ICA1: variants seen among roughly 807,000 people sequenced by gnomAD.
ICA1 encodes the protein islet cell autoantigen 1.
In ICA1, 40 loss-of-function variants were observed where a neutral mutation model predicts 71.0. The ratio of observed to expected loss-of-function variants is 0.56; its 90% CI spans 0.44 to 0.73. The LOEUF is 0.73. ICA1 is among the 30% of genes least tolerant of loss of function. The pLI is 0.00. For synonymous variants in ICA1, 207 were observed against 209.5 expected (o/e 0.99, Z 0.10); for missense variants, 578 against 576.5 (o/e 1.00, Z -0.03).
chr7:8,187,743 T>C (rs1398670469), intron 6 of ICA1, among the ~76,000 whole-genome samples: 1 of 152,220 alleles, frequency 6.6e-6, no homozygotes, highest in African/African-American at 2.4e-5. Context: ...TAAGCTTTTT[T>C]CTATCTTTAA....
chr7:8,162,731 T>C (rs6463774), intron 6 of ICA1, among the ~76,000 whole-genome samples: 143,535 of 152,294 alleles, frequency 0.94, 67,668 homozygotes, highest in African/African-American at 0.96. Flanking sequence ...TGTTACCCCA[T>C]CTATCTTCTC....
At chr7:8,248,484 G>C (rs1806922775) in intron 1 of ICA1, among the ~76,000 whole-genome samples, 1 of 152,138 alleles carries the variant, frequency 6.6e-6, no homozygotes, top group African/African-American at 2.4e-5. Context: ...CCAGCACTTT[G>C]AGAGGCAAGG....
At chr7:8,169,123 T>C (rs1171239114) in intron 6 of ICA1, among the ~76,000 whole-genome samples, 1 of 152,164 alleles carries the variant, frequency 6.6e-6, no homozygotes, top group Non-Finnish European at 1.5e-5. Flanking sequence ...TAGTCTATAG[T>C]CTTTTTTTGT....
chr7:8,189,878 G>T (rs141305246), intron 6 of ICA1, among the ~76,000 whole-genome samples: 1 of 152,320 alleles, frequency 6.6e-6, no homozygotes, highest in East Asian at 1.9e-4. Context: ...TTGTAAGTTG[G>T]GAACTGTCTG....
Position 8,232,730 on chromosome 7 carries a change from G to T in ICA1, c.43C>A (p.Arg15=), listed in dbSNP as rs367581899. The T allele has an allele frequency of 4.6e-5, 73 of 1,603,208 alleles. 1 individual carries two copies. In the South Asian group the frequency reaches 4.6e-4, roughly 10 times the overall value. ...KCSYPWDLQD[R]YAQDKSVVNK... ...ACAACTGACTTATCTTGAGCATATC[G>T]ATCCTGTAAGTCCCAGGGATAACTG... Residue 15 remains arginine, a synonymous_variant, in exon 3 of 14, where the codon CGA becomes AGA. Coordinates refer to ENST00000402384, the MANE Select transcript of ICA1 (RefSeq NM_001136020.3).
Position 8,232,667 on chromosome 7 carries a change from C to T in ICA1, c.106G>A (p.Ala36Thr), listed in dbSNP as rs1326826607. ...MQQKYWETKQAFIKATGKKED... is the reference protein window; with the variant it reads ...MQQKYWETKQTFIKATGKKED... ...TTCTTCCCTGTGGCTTTAATAAAGG[C>T]CTGCTTCGTCTCCCAATATTTCTGT... Residue 36 changes from alanine to threonine, a missense_variant, in exon 3 of 14, where the codon GCC (alanine) becomes ACC (threonine). Ala to Thr is a moderately conservative substitution (Grantham distance 58). Transcript: ENST00000402384. The T allele has an allele frequency of 1.2e-6, 2 of 1,613,436 alleles. No homozygotes were observed. Among genetic ancestry groups the T allele is most frequent in the East Asian group, 4.5e-5 (2 of 44,874 alleles).
chr7:8,154,556 T>A (rs1265091058), intron 8 of ICA1, among the ~76,000 whole-genome samples: 3 of 152,162 alleles, frequency 2.0e-5, no homozygotes, highest in African/African-American at 7.2e-5. Context: ...TTCTTTCCAG[T>A]CAGAGTCCCA....
intron 1 of ICA1, among the ~76,000 whole-genome samples, chr7:8,258,081 C>T (rs1366990758): frequency 6.6e-6 from 1 of 152,160 alleles, no homozygotes; most frequent in Non-Finnish European, 1.5e-5. Context: ...GTTTCTCTGC[C>T]CTTTCTCCTG....
chr7:8,241,033 G>A (rs1005686726), intron 1 of ICA1, among the ~76,000 whole-genome samples: 1 of 152,074 alleles, frequency 6.6e-6, no homozygotes. Context: ...TAGCAAGGCA[G>A]GCCAATATTC....
intron 8 of ICA1, among the ~76,000 whole-genome samples, chr7:8,152,671 T>TCA (rs1562701314): frequency 1.2e-4 from 1 of 8,360 alleles, no homozygotes; most frequent in Non-Finnish European, 2.2e-4. Flanking sequence ...ACCACCACCA[T>TCA]TATCTCCTTC....
At position 8,157,179 on chromosome 7, in the gene ICA1, G is replaced by C. The variant is rs1264633016; in HGVS notation, c.741C>G (p.His247Gln). 2 of 1,607,688 alleles carry C rather than the reference G, an allele frequency of 1.2e-6. No individual in the cohort carries two copies. The highest frequency in any genetic ancestry group is 1.7e-6 in the Non-Finnish European group (2 of 1,178,334). ...TLLHFWEKTSHTMAAIHESFK... is the reference protein window; with the variant it reads ...TLLHFWEKTSQTMAAIHESFK... ...AACTCTCATGGATGGCTGCCATAGT[G>C]TGAGAAGTTTTCTCCCAAAAATGAA... Residue 247 changes from histidine (H) to glutamine (Q), a missense_variant, in exon 8 of 14, where the codon CAC (histidine) becomes CAG (glutamine). By Grantham distance (24) the His-to-Gln change is conservative. Coordinates refer to ENST00000402384, the MANE Select transcript of ICA1 (RefSeq NM_001136020.3).
chr7:8,254,408 T>A (rs1809302618), intron 1 of ICA1, among the ~76,000 whole-genome samples: 1 of 150,546 alleles, frequency 6.6e-6, no homozygotes, highest in Non-Finnish European at 1.5e-5. Flanking sequence ...CAAGAAAGGA[T>A]CTCAGAGGTC....
intron 1 of ICA1, among the ~76,000 whole-genome samples, chr7:8,252,585 A>T (rs189832226): frequency 1.2e-3 from 185 of 152,188 alleles, no homozygotes; most frequent in Non-Finnish European, 2.2e-3. Flanking sequence ...CTAAATGTAA[A>T]ATTCACACTG....
intron 6 of ICA1, among the ~76,000 whole-genome samples, chr7:8,166,887 C>T (rs576699582): frequency 2.4e-4 from 17 of 69,714 alleles, no homozygotes; most frequent in Admixed American, 7.3e-4. Context: ...AAAGAATGCT[C>T]AACATCACTA....
At chr7:8,213,807 G>T (rs1223342160) in intron 6 of ICA1, among the ~76,000 whole-genome samples, 3 of 152,092 alleles carry the variant, frequency 2.0e-5, no homozygotes. Context: ...AGGTCCCACC[G>T]AGTAAGCCAC....
At chr7:8,174,826 A>T (rs1486406524) in intron 6 of ICA1, among the ~76,000 whole-genome samples, 3 of 151,548 alleles carry the variant, frequency 2.0e-5, no homozygotes, top group Non-Finnish European at 4.4e-5. Flanking sequence ...AATGCGGGAA[A>T]CACAAACACG....
At chr7:8,131,653 A>G (rs1791486621) in intron 12 of ICA1, among the ~76,000 whole-genome samples, 1 of 152,224 alleles carries the variant, frequency 6.6e-6, no homozygotes, top group African/African-American at 2.4e-5. Flanking sequence ...CCTCCCAATT[A>G]TTGCACTGAT....
intron 8 of ICA1, chr7:8,156,495 G>A (rs1217486468): frequency 6.0e-6 from 1 of 167,194 alleles, no homozygotes; most frequent in Non-Finnish European, 1.3e-5. Flanking sequence ...AACCACTAGA[G>A]AGAAAAACAC....
rs1467034928 is a variant in ICA1, at chr7:8,190,336, C to T, written c.579+27969G>A. Among the ~76,000 whole-genome samples, 22 of 152,136 alleles carry T rather than the reference C, an allele frequency of 1.4e-4. No homozygotes were observed. In the South Asian group the frequency reaches 3.3e-3, roughly 23 times the overall value. ...TGGCTGTAGTTTCTAAGGACTCATC[C>T]AAGAGATGATCTCTTTCCTTCCTCT... On this transcript the variant is annotated intron_variant, in intron 6 of 13. Coordinates refer to ENST00000402384, the MANE Select transcript of ICA1 (RefSeq NM_001136020.3).
Sources: gnomAD v4.1 joint callset for allele counts (sites outside exome capture counted in the v4.1 genomes callset) on GRCh38, gnomAD v4.1.1 for gene constraint, MANE v1.5 for transcripts, NCBI Gene and HGNC (gene_info 2026-07-23, HGNC 2026-07-21) for gene names.